Variants in PRMT3 observed in about 807,000 individuals in gnomAD.
PRMT3 encodes the protein protein arginine N-methyltransferase 3.
In PRMT3, 62 loss-of-function variants were observed where a neutral mutation model predicts 71.9. The observed-to-expected ratio is 0.86, with a 90% CI of 0.70 to 1.07. PRMT3 has a LOEUF of 1.07. Among genes scored for constraint, PRMT3 ranks in the 50% least tolerant of loss-of-function variants. PRMT3 has a pLI of 0.00. For missense variants in PRMT3, 663 were observed against 643.0 expected, an observed-to-expected ratio of 1.03 and a Z score of -0.34; for synonymous variants, 213 against 220.4, an observed-to-expected ratio of 0.97 and a Z score of 0.30.
intron 13 of PRMT3, among the ~76,000 whole-genome samples, chr11:20,471,100 C>T (rs780352480): frequency 9.9e-5 from 15 of 151,660 alleles, no homozygotes; most frequent in Non-Finnish European, 1.6e-4. Flanking sequence ...CATTAGTTCT[C>T]GGTAGATTTT....
intron 5 of PRMT3, among the ~76,000 whole-genome samples, chr11:20,395,041 C>T (rs1022467049): frequency 2.6e-5 from 4 of 152,116 alleles, no homozygotes; most frequent in African/African-American, 9.7e-5. Flanking sequence ...AGATATATAA[C>T]TTTAGGATAG....
Position 20,462,086 on chromosome 11 carries a change from C to T in PRMT3, c.1179C>T (p.Cys393=). 2 of 1,613,154 alleles carry T rather than the reference C, an allele frequency of 1.2e-6. No homozygotes were observed. The change falls in exon 12 of 16, where the codon TGC becomes TGT. Residue 393 remains cysteine (C), a synonymous_variant. Coordinates refer to ENST00000331079, the MANE Select transcript of PRMT3 (RefSeq NM_005788.4). ...ATGTCTATGGCTTCAAGATGTCCTG[C>T]ATGAAGAAAGCAGTTATTCCAGAAG... is the stretch of plus-strand genomic sequence containing the variant. ...WDDVYGFKMS[C]MKKAVIPEAV...
chr11:20,453,309 C>T lies in PRMT3; in HGVS notation c.1072+1101C>T, dbSNP rs911557286. 8.3e-5 allele frequency among the ~76,000 whole-genome samples: 12 copies of T among 144,960 alleles called. No individual in the cohort carries two copies. The Admixed American group carries it at 8.4e-4, about 10-fold the overall frequency. ...CAGCCTGACCAATATAGTGAAACCC[C>T]GTCTTTACTAAAAAAAAAAAAAAAA... On this transcript the variant is annotated intron_variant, in intron 11 of 15. Coordinates refer to ENST00000331079, the MANE Select transcript of PRMT3 (RefSeq NM_005788.4).
intron 10 of PRMT3, among the ~76,000 whole-genome samples, chr11:20,431,104 C>CT (rs1329034895): frequency 6.6e-6 from 1 of 152,150 alleles, no homozygotes; most frequent in Non-Finnish European, 1.5e-5. Flanking sequence ...AACACATAGA[C>CT]TAAGTCCACG....
intron 13 of PRMT3, among the ~76,000 whole-genome samples, chr11:20,489,137 GTT>G: frequency 6.6e-6 from 1 of 152,070 alleles, no homozygotes; most frequent in South Asian, 2.1e-4. Context: ...TTCTATCATT[GTT>G]TTTGTTTTTT....
chr11:20,479,678 T>G lies in PRMT3; in HGVS notation c.1348-14241T>G, dbSNP rs1850883392. On this transcript the variant is annotated intron_variant, in intron 13 of 15. Transcript: ENST00000331079. Reference sequence around the variant, plus strand: ...GTTTGAAATTTTTGATAGTATTTTTTTAAAGAATCTCACAACAATAAGAAA... The same window carrying G: ...GTTTGAAATTTTTGATAGTATTTTTGTAAAGAATCTCACAACAATAAGAAA... Among the ~76,000 whole-genome samples the G allele has an allele frequency of 9.2e-5, 14 of 152,244 alleles. No homozygotes were observed. In the South Asian group the frequency reaches 2.9e-3, roughly 32 times the overall value.
At chr11:20,411,671 A>C (rs1849195169) in intron 9 of PRMT3, among the ~76,000 whole-genome samples, 1 of 152,180 alleles carries the variant, frequency 6.6e-6, no homozygotes, top group South Asian at 2.1e-4. Flanking sequence ...GAGTATAACA[A>C]AATGACTAAA....
chr11:20,477,471 C>CA (rs1209664140), intron 13 of PRMT3, among the ~76,000 whole-genome samples: 1 of 151,928 alleles, frequency 6.6e-6, no homozygotes, highest in East Asian at 1.9e-4. Flanking sequence ...GCAGGAGAAT[C>CA]ACTTGAACCT....
rs559153048 is a variant in PRMT3 at position 20,387,916 on chromosome 11, C to T, written c.29-103C>T. The T allele has an allele frequency of 1.5e-5, 23 of 1,575,074 alleles. No homozygotes were observed. The highest frequency in any genetic ancestry group is 2.3e-5 in the East Asian group (1 of 43,272). On this transcript the variant is annotated intron_variant, in intron 1 of 15. Coordinates refer to ENST00000331079, the MANE Select transcript of PRMT3 (RefSeq NM_005788.4). This position sits in a 1 kb window ranked among gnomAD's most constrained non-coding sequence, Gnocchi z 4.3. ...CATGAAGGAGGTGCTGAGTGAGGGC[C>T]GCGGGCGAACGGGGCGGAGGAGAGC...
intron 11 of PRMT3, among the ~76,000 whole-genome samples, chr11:20,455,165 C>T (rs555636034): frequency 9.2e-5 from 14 of 151,902 alleles, no homozygotes; most frequent in South Asian, 4.1e-4. Flanking sequence ...TTTACAACTA[C>T]GATTAAGACT....
intron 2 of PRMT3, 74 bp downstream of exon 2, chr11:20,388,228 T>G: frequency 6.3e-7 from 1 of 1,597,216 alleles, no homozygotes; most frequent in Admixed American, 1.7e-5. Context: ...CAGGAACGCC[T>G]TCGGGCGGGA....
At chr11:20,420,734 T>A (rs550612417) in intron 9 of PRMT3, among the ~76,000 whole-genome samples, 1 of 152,262 alleles carries the variant, frequency 6.6e-6, no homozygotes, top group African/African-American at 2.4e-5. Flanking sequence ...GATAACAGAA[T>A]ATCTATAAAA....
intron 10 of PRMT3, among the ~76,000 whole-genome samples, chr11:20,443,397 T>G (rs1422012490): frequency 6.6e-6 from 1 of 152,176 alleles, no homozygotes; most frequent in East Asian, 1.9e-4. Flanking sequence ...CTTCTTAGAG[T>G]TCTCACTTTG....
chr11:20,490,977 C>A (rs1335023620), intron 13 of PRMT3, among the ~76,000 whole-genome samples: 1 of 151,890 alleles, frequency 6.6e-6, no homozygotes, highest in Non-Finnish European at 1.5e-5. Context: ...GTGTCTTTTT[C>A]TTTTCCATCT....
intron 7 of PRMT3, among the ~76,000 whole-genome samples, chr11:20,398,451 T>C (rs1402949219): frequency 1.3e-5 from 2 of 152,084 alleles, no homozygotes; most frequent in African/African-American, 4.8e-5. Context: ...TATAATGCCA[T>C]ATTTTTTTTT....
intron 15 of PRMT3, among the ~76,000 whole-genome samples, chr11:20,496,966 C>T (rs145548232): frequency 6.6e-6 from 1 of 152,154 alleles, no homozygotes; most frequent in Non-Finnish European, 1.5e-5. Flanking sequence ...GAGGCAAACC[C>T]AAATGAGGTC....
intron 13 of PRMT3, among the ~76,000 whole-genome samples, chr11:20,469,027 G>A (rs1043482126): frequency 6.6e-6 from 1 of 152,138 alleles, no homozygotes; most frequent in African/African-American, 2.4e-5. Context: ...ATGATTGAAG[G>A]ATAATTTTTC....
chr11:20,396,971 G>A (rs905205586), intron 6 of PRMT3, among the ~76,000 whole-genome samples: 37 of 152,126 alleles, frequency 2.4e-4, no homozygotes, highest in African/African-American at 8.9e-4. Flanking sequence ...AGAGCCAATT[G>A]TAGTTCCTCT....
chr11:20,495,492 A>T (rs1851311570), intron 15 of PRMT3, among the ~76,000 whole-genome samples: 1 of 152,126 alleles, frequency 6.6e-6, no homozygotes, highest in African/African-American at 2.4e-5. Context: ...AGCCTGGGTG[A>T]CACAGCAAGA....
Sources: gnomAD v4.1 joint callset for allele counts (sites outside exome capture counted in the v4.1 genomes callset) on GRCh38, gnomAD v4.1.1 for gene constraint, Gnocchi (gnomAD v3.1) non-coding constraint, MANE v1.5 for transcripts, NCBI Gene and HGNC (gene_info 2026-07-23, HGNC 2026-07-21) for gene names.